Variants in MVB12B observed in about 807,000 individuals in gnomAD.
MVB12B encodes the protein multivesicular body subunit 12B, also known as ESCRT-I complex subunit MVB12B.
In MVB12B, 16 loss-of-function variants were observed where a neutral mutation model predicts 41.6. The ratio of observed to expected loss-of-function variants is 0.38; its 90% CI spans 0.26 to 0.58. The LOEUF (loss-of-function observed/expected upper bound fraction) is 0.58, where lower values mean the gene tolerates loss of function less well. Among genes scored for constraint, MVB12B ranks in the 20% least tolerant of loss-of-function variants. The probability of loss-of-function intolerance (pLI) is 0.62; values close to 1 mark genes in which losing one functional copy is unlikely to be tolerated. For missense variants in MVB12B, 274 were observed against 380.2 expected (o/e 0.72, Z 2.32); for synonymous variants, 133 against 139.7 (o/e 0.95, Z 0.34).
intron 2 of MVB12B, among the ~76,000 whole-genome samples, chr9:126,377,083 G>A (rs972081149): frequency 5.3e-5 from 8 of 151,770 alleles, no homozygotes; most frequent in African/African-American, 1.5e-4. Flanking sequence ...CCTCTTGCTC[G>A]TCATTGTGGA....
At chr9:126,368,488 G>A (rs896360804) in intron 2 of MVB12B, among the ~76,000 whole-genome samples, 5 of 152,122 alleles carry the variant, frequency 3.3e-5, no homozygotes, top group African/African-American at 9.7e-5. Flanking sequence ...CTTGGATACC[G>A]TGGTAGAGAG....
At chr9:126,498,384 C>T (rs1418991692) in intron 9 of MVB12B, among the ~76,000 whole-genome samples, 1 of 152,224 alleles carries the variant, frequency 6.6e-6, no homozygotes, top group African/African-American at 2.4e-5. Context: ...AGTGTCTGTC[C>T]ACCCCTGCAC....
chr9:126,503,201 C>T lies in MVB12B; in HGVS notation c.898C>T (p.Gln300Ter), dbSNP rs1195637299. The change falls in exon 10 of 10, where the codon CAG becomes TAG. Residue 300 changes from glutamine to a stop codon, truncating the protein, a stop_gained. Coordinates refer to ENST00000361171, the MANE Select transcript of MVB12B (RefSeq NM_033446.3). LOFTEE classifies it high-confidence loss of function. ...GTACGAGTACAGCTTCCGCACAGAG[C>T]AGAGCGCAGCCGCCAGGCTCCCGCC... ...KEYEYSFRTE[Q>*]SAAARLPPSP... 6.4e-7 allele frequency: 1 copy of T among 1,550,866 alleles called. No homozygotes were observed. Among genetic ancestry groups the T allele is most frequent in the Non-Finnish European group, 8.7e-7 (1 of 1,147,090 alleles).
chr9:126,479,672 T>G (rs1418389784), intron 7 of MVB12B, among the ~76,000 whole-genome samples: 1 of 152,170 alleles, frequency 6.6e-6, no homozygotes, highest in Non-Finnish European at 1.5e-5. Flanking sequence ...GGAGAAGGCC[T>G]CTGACCAGGA....
At position 126,413,818 on chromosome 9, in the gene MVB12B, TTGTG is replaced by T. The variant is rs34089808; in HGVS notation, c.663-8004_663-8001del. 5.4e-3 allele frequency among the ~76,000 whole-genome samples: 589 copies of T among 109,442 alleles called. 4 individuals are homozygous for T. The highest frequency in any genetic ancestry group is 0.015 in the African/African-American group (492 of 31,960). The allele number at this position is 109,442 out of a possible 152,430, so 71.8% of individuals were successfully genotyped here. A position where few individuals can be genotyped will look rare whatever the true frequency, so the allele number is the denominator to read the frequency against. On this transcript the variant is annotated intron_variant, in intron 6 of 9. Transcript: ENST00000361171. The stretch of plus-strand genomic sequence containing the variant: ...TCTGGAATCCTGTGAACCCCATTGG[TTGTG>T]TGTGTGTGTGTGTGTGTGTGTGTGT...
At chr9:126,427,812 A>T (rs1401879091) in intron 7 of MVB12B, among the ~76,000 whole-genome samples, 1 of 152,206 alleles carries the variant, frequency 6.6e-6, no homozygotes, top group Non-Finnish European at 1.5e-5. Flanking sequence ...AGGTTGGCTC[A>T]CTGACATCTT....
At chr9:126,479,982 C>CT (rs1471829426) in intron 7 of MVB12B, among the ~76,000 whole-genome samples, 1 of 152,144 alleles carries the variant, frequency 6.6e-6, no homozygotes, top group Admixed American at 6.5e-5. Context: ...TGCTACTCTT[C>CT]TGTGTTAGGA....
intron 2 of MVB12B, among the ~76,000 whole-genome samples, chr9:126,343,769 T>C (rs774427216): frequency 1.3e-5 from 2 of 152,070 alleles, no homozygotes; most frequent in Non-Finnish European, 2.9e-5. Flanking sequence ...TACAAAACAT[T>C]AGCTGGGCGT....
chr9:126,327,279 C>T (rs1829008585), intron 1 of MVB12B: 1 of 984,948 alleles, frequency 1.0e-6, no homozygotes, highest in Non-Finnish European at 1.2e-6. Context: ...GCCAGCAGCG[C>T]CCCCAAGGCC....
chr9:126,481,424 T>C lies in MVB12B; in HGVS notation c.813T>C (p.Ser271=), dbSNP rs773036071. 6.2e-7 allele frequency: 1 copy of C among 1,612,626 alleles called. No individual in the cohort carries two copies. Among genetic ancestry groups the C allele is most frequent in the Non-Finnish European group, 8.5e-7 (1 of 1,178,736 alleles). The change falls in exon 8 of 10, where the codon AGT becomes AGC. Residue 271 remains serine (S), a splice_region_variant and synonymous_variant. Transcript: ENST00000361171. ...AGAAGTTTTCTTGTGTTCCAGAAAGTGTAAGTTTTATGCATGATCGCCCTT... is the reference window on the plus strand; with the variant it reads ...AGAAGTTTTCTTGTGTTCCAGAAAGCGTAAGTTTTATGCATGATCGCCCTT... ...ISEKFSCVPE[S]MQPFDLLGIT...
At chr9:126,373,482 A>T (rs1433300411) in intron 2 of MVB12B, among the ~76,000 whole-genome samples, 1 of 152,206 alleles carries the variant, frequency 6.6e-6, no homozygotes, top group Non-Finnish European at 1.5e-5. Context: ...TCAGCCAGAT[A>T]TTTCCTTTGG....
intron 7 of MVB12B, among the ~76,000 whole-genome samples, chr9:126,464,402 G>A (rs1833156937): frequency 6.6e-6 from 1 of 151,962 alleles, no homozygotes; most frequent in Non-Finnish European, 1.5e-5. Flanking sequence ...CAGAGTGGCA[G>A]GGAGGAGAGA....
At chr9:126,421,118 A>G (rs1832002863) in intron 6 of MVB12B, among the ~76,000 whole-genome samples, 1 of 152,002 alleles carries the variant, frequency 6.6e-6, no homozygotes, top group African/African-American at 2.4e-5. Flanking sequence ...TTCAGCATTC[A>G]CTACAGGCAG....
intron 1 of MVB12B, among the ~76,000 whole-genome samples, chr9:126,336,698 C>A (rs1398495236): frequency 6.6e-6 from 1 of 152,128 alleles, no homozygotes; most frequent in African/African-American, 2.4e-5. Context: ...CCTTAACCCT[C>A]CCCAGCTTTC....
In MVB12B at chr9:126,421,915, G is replaced by A; in HGVS notation, c.724G>A (p.Glu242Lys). The A allele has an allele frequency of 1.2e-6, 2 of 1,613,966 alleles. No homozygotes were observed. Among genetic ancestry groups the A allele is most frequent in the Non-Finnish European group, 1.7e-6 (2 of 1,179,960 alleles). ...RGRNSTRTDY[E>K]YQHSNLYAIS... ...CAGGAACAGCACCCGGACGGACTAC[G>A]AGTACCAGCACTCCAATTTGTATGC... Residue 242 changes from glutamate to lysine, a missense_variant, in exon 7 of 10, where the codon GAG becomes AAG. Coordinates refer to ENST00000361171, the MANE Select transcript of MVB12B (RefSeq NM_033446.3).
At chr9:126,332,257 C>T (rs982887865) in intron 1 of MVB12B, among the ~76,000 whole-genome samples, 5 of 152,118 alleles carry the variant, frequency 3.3e-5, no homozygotes, top group East Asian at 1.9e-4. Flanking sequence ...CTTTGCAGTC[C>T]CTTTCTCTTG....
chr9:126,355,029 C>T (rs1244787925), intron 2 of MVB12B, among the ~76,000 whole-genome samples: 1 of 152,132 alleles, frequency 6.6e-6, no homozygotes, highest in African/African-American at 2.4e-5. Flanking sequence ...TTTCTGAACA[C>T]TGTCTTCTCC....
intron 9 of MVB12B, among the ~76,000 whole-genome samples, chr9:126,496,529 T>C (rs528235775): frequency 7.1e-6 from 1 of 141,164 alleles, no homozygotes; most frequent in South Asian, 2.3e-4. Flanking sequence ...GAGCTACAGC[T>C]GAGGCTCCAC....
In MVB12B at chr9:126,367,091, C is replaced by T. The variant is rs910991925; in HGVS notation, c.205-13973C>T. Among the ~76,000 whole-genome samples the T allele has an allele frequency of 1.3e-5, 2 of 152,082 alleles. No homozygotes were observed. Among genetic ancestry groups the T allele is most frequent in the African/African-American group, 4.8e-5 (2 of 41,408 alleles). Reference sequence around the variant, plus strand: ...AGGCATTTCTTCATCTTTTCATCCTCCTCTTCTGTCTCTGCTACCAGCTGG... The same window carrying T: ...AGGCATTTCTTCATCTTTTCATCCTTCTCTTCTGTCTCTGCTACCAGCTGG... On this transcript the variant is annotated intron_variant, in intron 2 of 9. Transcript: ENST00000361171. This position sits in a 1 kb window ranked among gnomAD's most constrained non-coding sequence, Gnocchi z 4.3.
Sources: gnomAD v4.1 joint callset for allele counts (sites outside exome capture counted in the v4.1 genomes callset) on GRCh38, gnomAD v4.1.1 for gene constraint, Gnocchi (gnomAD v3.1) non-coding constraint, MANE v1.5 for transcripts, NCBI Gene and HGNC (gene_info 2026-07-23, HGNC 2026-07-21) for gene names.